NDUFA9: variants seen among roughly 807,000 people sequenced by gnomAD.
The protein encoded by NDUFA9 is NADH dehydrogenase [ubiquinone] 1 alpha subcomplex subunit 9, mitochondrial.
Under a neutral mutation model 45.9 loss-of-function variants are expected in NDUFA9, and 23 were observed. The ratio of observed to expected loss-of-function variants is 0.50; its 90% CI spans 0.36 to 0.71. The LOEUF (loss-of-function observed/expected upper bound fraction) is 0.71. Ranked by LOEUF, NDUFA9 falls within the 30% of genes least tolerant of loss-of-function variation. NDUFA9 has a pLI of 0.00. For missense variants in NDUFA9, 466 were observed against 488.2 expected (o/e 0.95, Z 0.43); for synonymous variants, 176 against 170.5 (o/e 1.03, Z -0.25).
intron 8 of NDUFA9, among the ~76,000 whole-genome samples, chr12:4,674,617 T>C (rs953827947): frequency 6.6e-6 from 1 of 152,196 alleles, no homozygotes; most frequent in Admixed American, 6.5e-5. Context: ...CAAGAAGAGC[T>C]AACTATCCTG....
chr12:4,664,496 T>C (rs963085134), intron 6 of NDUFA9, among the ~76,000 whole-genome samples: 3 of 152,236 alleles, frequency 2.0e-5, no homozygotes, highest in African/African-American at 7.2e-5. Context: ...ACTATCTCTT[T>C]GGTTTCAAAG....
intron 8 of NDUFA9, 34 bp downstream of exon 8, chr12:4,669,851 T>C (rs1945875910): frequency 2.0e-6 from 3 of 1,467,408 alleles, no homozygotes; most frequent in Non-Finnish European, 9.5e-7. Context: ...TAAATTGTGC[T>C]ATTATAATGA....
intron 1 of NDUFA9, 77 bp from the exon 2 acceptor site, chr12:4,654,215 G>T: frequency 7.2e-7 from 1 of 1,383,458 alleles, no homozygotes; most frequent in East Asian, 2.3e-5. Context: ...AGTTTTTAGA[G>T]AAAGGAGCTA....
chr12:4,684,572 C>A (rs1193052661), intron 9 of NDUFA9, among the ~76,000 whole-genome samples: 1 of 152,092 alleles, frequency 6.6e-6, no homozygotes, highest in African/African-American at 2.4e-5. Context: ...GAGTGTGAGT[C>A]CGGCCTGGAC....
intron 9 of NDUFA9, chr12:4,684,868 C>A (rs1396525525): frequency 3.9e-6 from 2 of 507,718 alleles, no homozygotes; most frequent in African/African-American, 3.8e-5. Flanking sequence ...ATTTTACACA[C>A]CATTCAGCTT....
chr12:4,681,391 A>G (rs1054769645), intron 8 of NDUFA9, among the ~76,000 whole-genome samples: 3 of 151,538 alleles, frequency 2.0e-5, no homozygotes, highest in African/African-American at 4.8e-5. Context: ...ATAGACAGGG[A>G]CTCCAGGAGG....
chr12:4,650,916 A>G (rs569693711), intron 1 of NDUFA9, among the ~76,000 whole-genome samples: 97 of 152,238 alleles, frequency 6.4e-4, no homozygotes, highest in African/African-American at 2.0e-3. Context: ...GACAATGGAG[A>G]CCTTTGAAAG....
chr12:4,654,340 G>A lies in NDUFA9; in HGVS notation c.98G>A (p.Cys33Tyr). 1.9e-6 allele frequency: 3 copies of A among 1,614,162 alleles called. No homozygotes were observed. The highest frequency in any genetic ancestry group is 2.5e-6 in the Non-Finnish European group (3 of 1,179,994). Reference sequence around the variant, plus strand: ...ACATCTGTGTGTCACGGCCCACCCTGTCGCCAGCTTCATCATGCCCTCATG... The same window carrying A: ...ACATCTGTGTGTCACGGCCCACCCTATCGCCAGCTTCATCATGCCCTCATG... Reference protein sequence around the residue: ...IATSVCHGPPCRQLHHALMPH... With the variant: ...IATSVCHGPPYRQLHHALMPH... Residue 33 changes from cysteine (C) to tyrosine (Y), a missense_variant, in exon 2 of 11, where the codon TGT becomes TAT. Coordinates refer to ENST00000266544, the MANE Select transcript of NDUFA9 (RefSeq NM_005002.5).
intron 3 of NDUFA9, 49 bp downstream of exon 3, chr12:4,654,971 G>T: frequency 6.8e-7 from 1 of 1,476,172 alleles, no homozygotes; most frequent in South Asian, 1.2e-5. Context: ...AATTACTAAG[G>T]TCATTTTTAG....
chr12:4,662,860 C>T (rs977386588), intron 6 of NDUFA9, among the ~76,000 whole-genome samples: 7 of 152,156 alleles, frequency 4.6e-5, no homozygotes, highest in Non-Finnish European at 4.4e-5. Flanking sequence ...ACTTGGGAGT[C>T]AGAGACTTGA....
chr12:4,666,673 T>G (rs1252031199), intron 6 of NDUFA9, among the ~76,000 whole-genome samples: 1 of 152,228 alleles, frequency 6.6e-6, no homozygotes, highest in African/African-American at 2.4e-5. Context: ...CAGAAATCAT[T>G]TGACCATATA....
Position 4,659,060 on chromosome 12 carries a change from T to G in NDUFA9, c.435T>G (p.Phe145Leu). 6.2e-7 allele frequency: 1 copy of G among 1,613,420 alleles called. No individual in the cohort carries two copies. Among genetic ancestry groups the G allele is most frequent in the Non-Finnish European group, 8.5e-7 (1 of 1,179,594 alleles). The change falls in exon 5 of 11, where the codon TTT becomes TTG. Residue 145 changes from phenylalanine to leucine, a missense_variant. Phe to Leu is a conservative substitution (Grantham distance 22). Transcript: ENST00000266544. ...ETKNFDFEDV[F>L]VKIPQAIAQL... Reference sequence around the variant, plus strand: ...GAAACTTTGATTTTGAGGATGTTTTTGTGAAGATTCCCCAAGCAATTGCTC... The same window carrying G: ...GAAACTTTGATTTTGAGGATGTTTTGGTGAAGATTCCCCAAGCAATTGCTC...
intron 8 of NDUFA9, among the ~76,000 whole-genome samples, chr12:4,681,530 T>C (rs1350018588): frequency 6.7e-6 from 1 of 150,020 alleles, no homozygotes; most frequent in Non-Finnish European, 1.5e-5. Context: ...AATTTTATTT[T>C]CTTATGACAA....
chr12:4,649,276 AGGCACACTCT>A, intron 1 of NDUFA9, 101 bp downstream of exon 1: 3 of 1,356,938 alleles, frequency 2.2e-6, no homozygotes, highest in Non-Finnish European at 3.1e-6. Context: ...CCAACTTCCT[AGGCACACTCT>A]GGTTTCTCTA....
intron 9 of NDUFA9, among the ~76,000 whole-genome samples, chr12:4,682,946 G>C (rs1945962539): frequency 6.6e-6 from 1 of 152,158 alleles, no homozygotes; most frequent in African/African-American, 2.4e-5. Context: ...TCTGCCTGTA[G>C]TCCCACCTAC....
In NDUFA9 at chr12:4,668,447, C is replaced by G; in HGVS notation, c.656-10C>G. 6.2e-7 allele frequency: 1 copy of G among 1,611,136 alleles called. No homozygotes were observed. The highest frequency in any genetic ancestry group is 8.5e-7 in the Non-Finnish European group (1 of 1,177,280). On this transcript the variant is annotated splice_polypyrimidine_tract_variant and intron_variant, in intron 6 of 10. Coordinates refer to ENST00000266544, the MANE Select transcript of NDUFA9 (RefSeq NM_005002.5). ...CTTCTCAGTATAGTTCTCATTCTTT[C>G]TTCCGCTAGGTATGCATCGGTTTGG...
rs1202712397 is a variant in NDUFA9, at chr12:4,693,618, A to C, written c.*6510A>C. ...CTGAATCTGGTTCTACTTTCAGGAG[A>C]GTGATGGTTTGAGATGGTAACTGAA... On this transcript the variant is annotated 3_prime_UTR_variant, in exon 11 of 11. Coordinates refer to ENST00000266544, the MANE Select transcript of NDUFA9 (RefSeq NM_005002.5). 6.6e-6 allele frequency: 1 copy of C among 152,130 alleles called. No individual in the cohort carries two copies. The highest frequency in any genetic ancestry group is 2.4e-5 in the African/African-American group (1 of 41,410). The allele number at this position is 152,130 out of a possible 1,614,324, so 9.4% of individuals were successfully genotyped here.
At chr12:4,677,157 G>A (rs1945924805) in intron 8 of NDUFA9, among the ~76,000 whole-genome samples, 1 of 152,116 alleles carries the variant, frequency 6.6e-6, no homozygotes, top group Admixed American at 6.5e-5. Flanking sequence ...AACTCAAGAT[G>A]GATTAAAGAC....
At chr12:4,667,883 A>G (rs1419636035) in intron 6 of NDUFA9, among the ~76,000 whole-genome samples, 5 of 152,316 alleles carry the variant, frequency 3.3e-5, no homozygotes, top group South Asian at 2.1e-4. Context: ...TTTTTAACCT[A>G]ACATTTAAAC....
Sources: gnomAD v4.1 joint callset for allele counts (sites outside exome capture counted in the v4.1 genomes callset) on GRCh38, gnomAD v4.1.1 for gene constraint, MANE v1.5 for transcripts, NCBI Gene and HGNC (gene_info 2026-07-23, HGNC 2026-07-21) for gene names.